RASSF4: variants seen among roughly 807,000 people sequenced by gnomAD.
The protein encoded by RASSF4 is Ras association domain family member 4, also known as ras association domain-containing protein 4.
RASSF4 carries 38 observed loss-of-function variants against 41.1 expected under a neutral mutation model. That is an observed-to-expected ratio of 0.92 (90% CI 0.71 to 1.21). The LOEUF is 1.21. Ranked by LOEUF, RASSF4 falls within the 50% of genes most tolerant of loss-of-function variation. RASSF4 has a pLI of 0.00. For missense variants in RASSF4, 414 were observed against 419.4 expected, an observed-to-expected ratio of 0.99 and a Z score of 0.11; for synonymous variants, 179 against 163.4, an observed-to-expected ratio of 1.10 and a Z score of -0.73.
chr10:44,972,255 G>A (rs914700), intron 3 of RASSF4, among the ~76,000 whole-genome samples: 77,829 of 151,996 alleles, frequency 0.51, 22,104 homozygotes, highest in Non-Finnish European at 0.64. Context: ...ATATCTGCAG[G>A]GTCTCACCTG....
At chr10:44,973,813 G>A (rs772430514) in intron 3 of RASSF4, among the ~76,000 whole-genome samples, 18 of 152,328 alleles carry the variant, frequency 1.2e-4, no homozygotes, top group Non-Finnish European at 2.2e-4. Flanking sequence ...TGTATGCTGC[G>A]GGACAGCCCA....
chr10:44,985,017 C>G, intron 6 of RASSF4, 47 bp downstream of exon 6: 1 of 1,579,844 alleles, frequency 6.3e-7, no homozygotes, highest in Non-Finnish European at 8.6e-7. Flanking sequence ...GGGAGCCAGG[C>G]CTGAGCACAG....
intron 1 of RASSF4, among the ~76,000 whole-genome samples, chr10:44,965,022 C>T (rs1226012356): frequency 6.6e-6 from 1 of 152,240 alleles, no homozygotes; most frequent in Non-Finnish European, 1.5e-5. Flanking sequence ...GACCAAGTGA[C>T]TTTTGTGGGA....
chr10:44,972,733 C>A (rs1386645003), intron 3 of RASSF4, among the ~76,000 whole-genome samples: 2 of 152,254 alleles, frequency 1.3e-5, no homozygotes, highest in Non-Finnish European at 2.9e-5. Context: ...CGCCTAATGG[C>A]AAGTCTTATC....
intron 3 of RASSF4, 46 bp from the exon 4 acceptor site, chr10:44,982,475 G>T (rs1564462596): frequency 6.2e-7 from 1 of 1,602,150 alleles, no homozygotes; most frequent in Non-Finnish European, 8.5e-7. Flanking sequence ...CACAGGGAAG[G>T]TAGGCAGCTG....
In RASSF4 at chr10:44,993,583, T is replaced by G. The variant is rs1842199656; in HGVS notation, c.*254T>G. The G allele has an allele frequency of 1.9e-6, 1 of 531,970 alleles. No homozygotes were observed. The highest frequency in any genetic ancestry group is 3.4e-6 in the Non-Finnish European group (1 of 293,024). The allele number at this position is 531,970 out of a possible 1,614,324, so 33.0% of individuals were successfully genotyped here. On this transcript the variant is annotated 3_prime_UTR_variant, in exon 11 of 11. Transcript: ENST00000340258. ...TGGGTCAGATCTGTGTGGCCAGCCC[T>G]GTCCACACCATGCCTCTCCTGCACT... is the stretch of plus-strand genomic sequence containing the variant.
At chr10:44,968,881 A>G (rs536070311) in intron 1 of RASSF4, among the ~76,000 whole-genome samples, 1 of 152,206 alleles carries the variant, frequency 6.6e-6, no homozygotes, top group Admixed American at 6.5e-5. Flanking sequence ...CCCCCTCCCA[A>G]TGTGTCCTAA....
chr10:44,967,842 G>A (rs560502268), intron 1 of RASSF4, among the ~76,000 whole-genome samples: 2 of 152,304 alleles, frequency 1.3e-5, no homozygotes, highest in African/African-American at 4.8e-5. Context: ...GGGCCCAGTG[G>A]GGAAATGGGA....
intron 1 of RASSF4, among the ~76,000 whole-genome samples, chr10:44,964,738 T>TA (rs1173832947): frequency 6.6e-6 from 1 of 152,202 alleles, no homozygotes; most frequent in Non-Finnish European, 1.5e-5. Flanking sequence ...ATGCTCCAAA[T>TA]AGAGAGATGG....
In RASSF4 at chr10:44,993,375, T is replaced by A; in HGVS notation, c.*46T>A. ...CCAAAGTCCCCAGCAGTGGCAGGTGTACACTGAGCCCTGGTTGCTGGCCCC... is the reference window on the plus strand; with the variant it reads ...CCAAAGTCCCCAGCAGTGGCAGGTGAACACTGAGCCCTGGTTGCTGGCCCC... On this transcript the variant is annotated 3_prime_UTR_variant, in exon 11 of 11. Coordinates refer to ENST00000340258, the MANE Select transcript of RASSF4 (RefSeq NM_032023.4). 1 of 1,497,418 alleles carries A rather than the reference T, an allele frequency of 6.7e-7. No individual in the cohort carries two copies. Among genetic ancestry groups the A allele is most frequent in the Non-Finnish European group, 9.1e-7 (1 of 1,099,240 alleles). 92.8% of individuals were successfully genotyped at this position (1,497,418 alleles called of 1,614,324 possible).
chr10:44,989,750 A>T (rs1195648428), intron 8 of RASSF4, 29 bp downstream of exon 8: 4 of 1,602,984 alleles, frequency 2.5e-6, no homozygotes, highest in Non-Finnish European at 3.4e-6. Flanking sequence ...TCTGGATCGT[A>T]AAAGCAAAAG....
chr10:44,978,228 G>A (rs897377495), intron 3 of RASSF4: 1 of 577,942 alleles, frequency 1.7e-6, no homozygotes, highest in Non-Finnish European at 3.0e-6. Flanking sequence ...TCCTGTTCAG[G>A]TTAAAAACCC....
intron 1 of RASSF4, among the ~76,000 whole-genome samples, chr10:44,961,432 G>A (rs1840706549): frequency 6.6e-6 from 1 of 152,206 alleles, no homozygotes; most frequent in African/African-American, 2.4e-5. Context: ...AGCCTCAAAG[G>A]GGAGACCTAA....
At position 44,969,373 on chromosome 10, in the gene RASSF4, G is replaced by A. The variant is rs551375373; in HGVS notation, c.-38-792G>A. Among the ~76,000 whole-genome samples, 30 of 152,236 alleles carry A rather than the reference G, an allele frequency of 2.0e-4. No homozygotes were observed. The South Asian group carries it at 5.6e-3, about 28-fold the overall frequency. ...ATAGTATGTGTGTGGAACAGTGTGT[G>A]TGAACCGCGTGTGTGTGGATCCACT... is the stretch of plus-strand genomic sequence containing the variant. On this transcript the variant is annotated intron_variant, in intron 1 of 10. Coordinates refer to ENST00000340258, the MANE Select transcript of RASSF4 (RefSeq NM_032023.4).
chr10:44,986,634 C>T (rs1358680349), intron 6 of RASSF4, among the ~76,000 whole-genome samples: 1 of 152,162 alleles, frequency 6.6e-6, no homozygotes, highest in Admixed American at 6.5e-5. Flanking sequence ...AAGGGAAGTC[C>T]CAAAGAAAAG....
At position 44,977,773 on chromosome 10, in the gene RASSF4, G is replaced by A. The variant is rs145169456; in HGVS notation, c.139-4748G>A. 131 of 1,600,942 alleles carry A rather than the reference G, an allele frequency of 8.2e-5. No individual in the cohort carries two copies. In the African/African-American group the frequency reaches 1.5e-3, roughly 18 times the overall value. On this transcript the variant is annotated intron_variant, in intron 3 of 10. Coordinates refer to ENST00000340258, the MANE Select transcript of RASSF4 (RefSeq NM_032023.4). ...TGGGCTGCTGGCCACTGAAACGTGC[G>A]GTGATGTCTCGCAGGGACACAGCAG...
rs187068372 is a variant in RASSF4 at position 44,993,406 on chromosome 10, G to T, written c.*77G>T. 7.7e-4 allele frequency: 935 copies of T among 1,215,644 alleles called. 7 individuals carry two copies. The African/African-American group carries it at 0.013, about 16-fold the overall frequency. 75.3% of individuals were successfully genotyped at this position (1,215,644 alleles called of 1,614,324 possible). ...GAGCCCTGGTTGCTGGCCCCGGCCG[G>T]TCACATTGACTGATGGCCACCGCCT... On this transcript the variant is annotated 3_prime_UTR_variant, in exon 11 of 11. Transcript: ENST00000340258.
chr10:44,980,358 G>A (rs1841654289), intron 3 of RASSF4, among the ~76,000 whole-genome samples: 1 of 152,234 alleles, frequency 6.6e-6, no homozygotes, highest in Non-Finnish European at 1.5e-5. Flanking sequence ...GAGCAGATTA[G>A]TCAAGAGACC....
intron 3 of RASSF4, among the ~76,000 whole-genome samples, chr10:44,979,697 C>T (rs1841620777): frequency 6.6e-6 from 1 of 151,848 alleles, no homozygotes; most frequent in African/African-American, 2.4e-5. Flanking sequence ...CAGACATGCT[C>T]AGGGCACAGC....
Sources: allele counts gnomAD v4.1 joint callset (sites outside exome capture counted in the v4.1 genomes callset), GRCh38; gene constraint gnomAD v4.1.1; transcripts MANE v1.5; gene names NCBI Gene and HGNC (gene_info 2026-07-23, HGNC 2026-07-21).